The following NRG1 variants were observed in gnomAD, a reference collection of about 807,000 sequenced individuals.
NRG1 encodes the protein pro-neuregulin-1, membrane-bound isoform.
NRG1 carries 18 observed loss-of-function variants against 63.8 expected under a neutral mutation model. The ratio of observed to expected loss-of-function variants is 0.28; its 90% confidence interval spans 0.19 to 0.42. The LOEUF is 0.42. NRG1 is among the 10% of genes least tolerant of loss of function. The probability of loss-of-function intolerance (pLI) is 1.00; values close to 1 mark genes in which losing one functional copy is unlikely to be tolerated. For synonymous variants in NRG1, 302 were observed against 301.3 expected, an observed-to-expected ratio of 1.00 and a Z score of -0.02; for missense variants, 762 against 814.7, an observed-to-expected ratio of 0.94 and a Z score of 0.79.
chr8:31,867,203 G>C (rs1027817439), intron 1 of NRG1, among the ~76,000 whole-genome samples: 2 of 152,126 alleles, frequency 1.3e-5, no homozygotes, highest in Admixed American at 6.6e-5. Context: ...TGGGGGAAAA[G>C]ATTGCTTCCT....
At chr8:32,617,582 A>C (rs1423668495) in intron 5 of NRG1, among the ~76,000 whole-genome samples, 1 of 152,232 alleles carries the variant, frequency 6.6e-6, no homozygotes, top group Non-Finnish European at 1.5e-5. Context: ...CATCGTATTA[A>C]ATTTTGATAC....
At chr8:31,643,495 C>T (rs535506312) in intron 1 of NRG1, among the ~76,000 whole-genome samples, 22 of 152,250 alleles carry the variant, frequency 1.4e-4, no homozygotes, top group Middle Eastern at 3.4e-3. Context: ...ATATAAACTC[C>T]GGAATAATGT....
intron 1 of NRG1, among the ~76,000 whole-genome samples, chr8:32,112,208 T>G (rs1198571881): frequency 6.6e-6 from 1 of 152,198 alleles, no homozygotes; most frequent in African/African-American, 2.4e-5. Context: ...GCATTAGGGC[T>G]TCCTTTGAAT....
At chr8:32,716,610 A>T (rs1212728223) in intron 5 of NRG1, among the ~76,000 whole-genome samples, 2 of 152,200 alleles carry the variant, frequency 1.3e-5, no homozygotes, top group African/African-American at 4.8e-5. Context: ...GGTCCTATGT[A>T]TGGACCTTAA....
At chr8:31,855,549 G>A (rs1479208085) in intron 1 of NRG1, among the ~76,000 whole-genome samples, 11 of 152,110 alleles carry the variant, frequency 7.2e-5, no homozygotes, top group African/African-American at 2.7e-4. Flanking sequence ...ACACTGATGG[G>A]TCTTGACTTT....
chr8:32,434,810 A>T (rs1818583277), intron 1 of NRG1, among the ~76,000 whole-genome samples: 2 of 152,198 alleles, frequency 1.3e-5, no homozygotes, highest in South Asian at 2.1e-4. Flanking sequence ...GAAAAAAAAA[A>T]TTTAAAATAA....
At chr8:31,926,605 A>C (rs985926193) in intron 1 of NRG1, among the ~76,000 whole-genome samples, 1 of 152,144 alleles carries the variant, frequency 6.6e-6, no homozygotes, top group Non-Finnish European at 1.5e-5. Context: ...CAATATCCTC[A>C]TATGTGCAAT....
intron 5 of NRG1, among the ~76,000 whole-genome samples, chr8:32,640,487 T>C (rs1852152372): frequency 2.0e-5 from 3 of 152,138 alleles, no homozygotes; most frequent in Admixed American, 2.0e-4. Context: ...CATGGTCTTA[T>C]GGAGCTGACA....
At chr8:32,625,799 T>C (rs1192395296) in intron 5 of NRG1, among the ~76,000 whole-genome samples, 2 of 148,378 alleles carry the variant, frequency 1.3e-5, no homozygotes, top group Non-Finnish European at 3.0e-5. Context: ...TTTTTTCTTT[T>C]TTTTTTTTTT....
At chr8:32,443,711 A>G (rs757513163) in intron 1 of NRG1, among the ~76,000 whole-genome samples, 11 of 152,152 alleles carry the variant, frequency 7.2e-5, no homozygotes, top group Non-Finnish European at 7.3e-5. Flanking sequence ...AGCAATCTAC[A>G]TATTATTTAC....
chr8:32,634,747 T>A (rs1241545186), intron 5 of NRG1, among the ~76,000 whole-genome samples: 2 of 152,202 alleles, frequency 1.3e-5, no homozygotes, highest in Non-Finnish European at 1.5e-5. Flanking sequence ...ACAAAAACAA[T>A]GATCTCTTAT....
intron 1 of NRG1, among the ~76,000 whole-genome samples, chr8:32,312,233 G>A (rs562858301): frequency 8.1e-4 from 109 of 135,008 alleles, no homozygotes; most frequent in South Asian, 1.7e-3. Context: ...GCATGATCTC[G>A]GCTCACTGCA....
upstream of NRG1, among the ~76,000 whole-genome samples, chr8:32,547,618 C>T (rs868111271): frequency 1.5e-5 from 2 of 130,960 alleles, no homozygotes; most frequent in Middle Eastern, 7.9e-3. Flanking sequence ...CACACACACA[C>T]ACACACACGC....
intron 1 of NRG1, among the ~76,000 whole-genome samples, chr8:32,501,601 C>G (rs1218927788): frequency 6.6e-6 from 1 of 152,122 alleles, no homozygotes; most frequent in Non-Finnish European, 1.5e-5. Context: ...AATGGGATCA[C>G]AGATCACTAT....
At chr8:32,503,793 A>G (rs1358897813) in intron 1 of NRG1, among the ~76,000 whole-genome samples, 1 of 152,190 alleles carries the variant, frequency 6.6e-6, no homozygotes, top group Non-Finnish European at 1.5e-5. Context: ...CAAGTTTTAG[A>G]GCAGGAATGA....
intron 1 of NRG1, among the ~76,000 whole-genome samples, chr8:32,273,767 G>A (rs529990060): frequency 3.9e-5 from 6 of 152,282 alleles, no homozygotes; most frequent in Admixed American, 6.5e-5. Flanking sequence ...GAATTTGAAA[G>A]AAACTTTAAA....
At chr8:32,395,776 C>A (rs899291728) in intron 1 of NRG1, among the ~76,000 whole-genome samples, 1 of 151,988 alleles carries the variant, frequency 6.6e-6, no homozygotes, top group African/African-American at 2.4e-5. Flanking sequence ...TTGGATTGTG[C>A]TTTTGGTCTT....
intron 1 of NRG1, among the ~76,000 whole-genome samples, chr8:32,294,016 C>T (rs886878911): frequency 2.0e-5 from 3 of 152,104 alleles, no homozygotes; most frequent in African/African-American, 4.8e-5. Context: ...CAGTGCACAG[C>T]CTATTTCTGA....
At chr8:32,653,130 TTTGTTTG>T (rs1158561654) in intron 5 of NRG1, among the ~76,000 whole-genome samples, 5 of 143,342 alleles carry the variant, frequency 3.5e-5, no homozygotes, top group Non-Finnish European at 6.3e-5. Flanking sequence ...TTGGTTTTTT[TTTGTTTG>T]TTTGTTTGTT....
Sources: gnomAD v4.1 joint callset for allele counts (sites outside exome capture counted in the v4.1 genomes callset) on GRCh38, gnomAD v4.1.1 for gene constraint, MANE v1.5 for transcripts, NCBI Gene and HGNC (gene_info 2026-07-23, HGNC 2026-07-21) for gene names.